SLC18A1: variants seen among roughly 807,000 people sequenced by gnomAD.
SLC18A1 encodes the protein chromaffin granule amine transporter.
In SLC18A1, 69 loss-of-function variants were observed where a neutral mutation model predicts 53.7. The ratio of observed to expected loss-of-function variants is 1.28; its 90% CI spans 1.06 to 1.57. The LOEUF is 1.57. SLC18A1 is among the 40% of genes most tolerant of loss of function. The pLI, the probability that SLC18A1 is intolerant of heterozygous loss-of-function variation, is 0.00. For missense variants in SLC18A1, 932 were observed against 668.1 expected (o/e 1.40, Z -4.35); for synonymous variants, 320 against 248.1 (o/e 1.29, Z -2.72).
In SLC18A1 at chr8:20,171,161, A is replaced by C; in HGVS notation, c.815-15T>G. 6.2e-7 allele frequency: 1 copy of C among 1,614,152 alleles called. No individual in the cohort carries two copies. The highest frequency in any genetic ancestry group is 8.5e-7 in the Non-Finnish European group (1 of 1,179,978). On this transcript the variant is annotated splice_polypyrimidine_tract_variant and intron_variant, in intron 7 of 15. Transcript: ENST00000276373. ...AAGCTGGAGTGCTAAGAAACAAAGAAGGTGAGACAGTTCAGCGTGTCTACT... is the reference window on the plus strand; with the variant it reads ...AAGCTGGAGTGCTAAGAAACAAAGACGGTGAGACAGTTCAGCGTGTCTACT...
At chr8:20,150,174 C>A (rs574230046) in intron 11 of SLC18A1, among the ~76,000 whole-genome samples, 1 of 152,204 alleles carries the variant, frequency 6.6e-6, no homozygotes, top group Non-Finnish European at 1.5e-5. Context: ...CTTCTAAAAT[C>A]TTGATGCTAA....
In SLC18A1 at chr8:20,170,836, T is replaced by TATAGATAG. The variant is rs57375699; in HGVS notation, c.858+259_858+266dup. On this transcript the variant is annotated intron_variant, in intron 8 of 15. Transcript: ENST00000276373. ...ACATACCCCATATATGTGTCGAATATATAGATAGATAGATAGATAGATTCT... is the reference window on the plus strand; with the variant it reads ...ACATACCCCATATATGTGTCGAATATATAGATAGATAGATAGATAGATAGATAGATTCT... 2.4e-3 allele frequency among the ~76,000 whole-genome samples: 365 copies of TATAGATAG among 151,424 alleles called. 3 individuals are homozygous for TATAGATAG. The highest frequency in any genetic ancestry group is 4.8e-3 in the South Asian group (23 of 4,804).
At chr8:20,180,791 G>C (rs962193335) in intron 2 of SLC18A1, 50 bp downstream of exon 2, 1 of 1,608,872 alleles carries the variant, frequency 6.2e-7, no homozygotes, top group African/African-American at 1.3e-5. Flanking sequence ...TACACTGCCT[G>C]CTGGGGCCCA....
intron 13 of SLC18A1, 107 bp from the exon 14 acceptor site, chr8:20,147,829 G>C: frequency 6.6e-7 from 1 of 1,517,596 alleles, no homozygotes. Context: ...CTTCTGCCTC[G>C]GACTAACACC....
At chr8:20,173,569 A>G (rs538419928) in intron 5 of SLC18A1, among the ~76,000 whole-genome samples, 1 of 152,340 alleles carries the variant, frequency 6.6e-6, no homozygotes, top group African/African-American at 2.4e-5. Context: ...CTAGTGCTGT[A>G]CGGCAGCTGG....
At chr8:20,154,044 G>A (rs958581163) in intron 10 of SLC18A1, among the ~76,000 whole-genome samples, 3 of 152,154 alleles carry the variant, frequency 2.0e-5, no homozygotes, top group African/African-American at 7.2e-5. Context: ...TCACACAAGA[G>A]CTGGTTGTTA....
intron 8 of SLC18A1, among the ~76,000 whole-genome samples, chr8:20,168,949 C>G (rs1192889634): frequency 1.3e-5 from 2 of 152,016 alleles, no homozygotes. Context: ...CAATGGATAA[C>G]AAATCTAGGC....
Position 20,148,418 on chromosome 8 carries a change from A to G in SLC18A1, c.1147-348T>C, listed in dbSNP as rs921289036. The G allele has an allele frequency of 2.3e-6, 3 of 1,281,628 alleles. No homozygotes were observed. In the African/African-American group the frequency reaches 4.6e-5, roughly 19 times the overall value. The allele number at this position is 1,281,628 out of a possible 1,614,324, so 79.4% of individuals were successfully genotyped here. ...CCCTTCCTCTACCCCTCTTCACCTA[A>G]ACATACACTCCTGGTCTCATTCTTC... On this transcript the variant is annotated intron_variant, in intron 12 of 15. Coordinates refer to ENST00000276373, the MANE Select transcript of SLC18A1 (RefSeq NM_003053.4).
At chr8:20,149,583 TCTCTCC>T (rs1563722031) in intron 12 of SLC18A1, 87 bp downstream of exon 12, 23 of 986,718 alleles carry the variant, frequency 2.3e-5, no homozygotes, top group South Asian at 2.9e-5. Flanking sequence ...TCTCTCTCTC[TCTCTCC>T]CTCTCTCTCT....
chr8:20,181,824 C>T (rs1397775001), intron 1 of SLC18A1: 1 of 152,122 alleles, frequency 6.6e-6, no homozygotes, highest in East Asian at 1.9e-4. Flanking sequence ...TAGTGTCAAA[C>T]TGGGATGAAA....
intron 4 of SLC18A1, 137 bp downstream of exon 4, chr8:20,178,298 G>A (rs1532446): frequency 0.53 from 355,369 of 664,242 alleles, 97,714 homozygotes; most frequent in Non-Finnish European, 0.57. Flanking sequence ...AAACAGCAGA[G>A]CATTTAAACC....
chr8:20,157,606 A>T (rs2071715591), intron 10 of SLC18A1, among the ~76,000 whole-genome samples: 1 of 152,198 alleles, frequency 6.6e-6, no homozygotes, highest in Non-Finnish European at 1.5e-5. Flanking sequence ...GCATTGAGGA[A>T]GCATACCTCT....
At chr8:20,165,650 C>T (rs2071939028) in intron 8 of SLC18A1, among the ~76,000 whole-genome samples, 1 of 152,140 alleles carries the variant, frequency 6.6e-6, no homozygotes, top group African/African-American at 2.4e-5. Flanking sequence ...CCAGGACCCA[C>T]TCTCGTCAGG....
chr8:20,149,809 T>A, intron 11 of SLC18A1, 82 bp from the exon 12 acceptor site: 1 of 1,338,014 alleles, frequency 7.5e-7, no homozygotes, highest in Admixed American at 1.8e-5. Context: ...TGCTGACCTG[T>A]CCCACCAGCC....
At chr8:20,179,816 A>G (rs2072373883) in intron 2 of SLC18A1, among the ~76,000 whole-genome samples, 1 of 152,122 alleles carries the variant, frequency 6.6e-6, no homozygotes, top group African/African-American at 2.4e-5. Context: ...TAACTCTCCT[A>G]CTCACTTAGA....
intron 8 of SLC18A1, 73 bp downstream of exon 8, chr8:20,171,030 G>T: frequency 7.0e-7 from 1 of 1,421,600 alleles, no homozygotes; most frequent in Non-Finnish European, 9.9e-7. Flanking sequence ...CTTATGGTTT[G>T]GCAGGCATGC....
At position 20,149,648 on chromosome 8, in the gene SLC18A1, C is replaced by G. The variant is rs369220423; in HGVS notation, c.1146+28G>C. ...TCTGTCTCTCGCTCTCTCTCTCCTT[C>G]CCCTCCCCCAGGTCTTCTTATACTT... On this transcript the variant is annotated intron_variant, in intron 12 of 15. Transcript: ENST00000276373. 5.7e-6 allele frequency: 9 copies of G among 1,587,532 alleles called. No homozygotes were observed. The East Asian group carries it at 1.3e-4, about 24-fold the overall frequency.
intron 5 of SLC18A1, among the ~76,000 whole-genome samples, chr8:20,173,501 T>C (rs534610572): frequency 1.3e-5 from 2 of 152,286 alleles, no homozygotes; most frequent in African/African-American, 4.8e-5. Flanking sequence ...CCATTCTATT[T>C]AACAGGGGTG....
intron 8 of SLC18A1, 34 bp from the exon 9 acceptor site, chr8:20,165,141 T>C: frequency 6.6e-7 from 1 of 1,524,154 alleles, no homozygotes; most frequent in Non-Finnish European, 9.1e-7. Flanking sequence ...TGTCCATTTG[T>C]ACAGTGCATA....
Sources: allele counts gnomAD v4.1 joint callset (sites outside exome capture counted in the v4.1 genomes callset), GRCh38; gene constraint gnomAD v4.1.1; transcripts MANE v1.5; gene names NCBI Gene and HGNC (gene_info 2026-07-23, HGNC 2026-07-21).